CAMTA1: variants seen among roughly 807,000 people sequenced by gnomAD.
CAMTA1 encodes calmodulin binding transcription activator 1.
A neutral mutation model predicts 170.9 loss-of-function variants in CAMTA1; 27 were observed. The ratio of observed to expected loss-of-function variants is 0.16; its 90% CI spans 0.12 to 0.22. The LOEUF (loss-of-function observed/expected upper bound fraction) is 0.22, where lower values mean the gene tolerates loss of function less well. Ranked by LOEUF, CAMTA1 falls within the 10% of genes least tolerant of loss-of-function variation. The probability of loss-of-function intolerance (pLI) is 1.00; values close to 1 mark genes in which losing one functional copy is unlikely to be tolerated. For missense variants in CAMTA1, 1,619 were observed against 2,217.2 expected (o/e 0.73, Z 5.42); for synonymous variants, 833 against 891.5 (o/e 0.93, Z 1.17).
intron 4 of CAMTA1, among the ~76,000 whole-genome samples, chr1:7,137,723 C>T (rs1645623992): frequency 6.6e-6 from 1 of 152,182 alleles, no homozygotes; most frequent in Non-Finnish European, 1.5e-5. Context: ...TATCCTGAGG[C>T]TCCCTCCCTC....
chr1:7,229,689 G>A (rs1408699269), intron 4 of CAMTA1, among the ~76,000 whole-genome samples: 1 of 151,722 alleles, frequency 6.6e-6, no homozygotes, highest in Non-Finnish European at 1.5e-5. Flanking sequence ...TGGAGGGAGC[G>A]AGCCTGTGAG....
chr1:7,567,481 G>T (rs1264202735), intron 6 of CAMTA1, among the ~76,000 whole-genome samples: 3 of 152,366 alleles, frequency 2.0e-5, no homozygotes, highest in African/African-American at 4.8e-5. Flanking sequence ...GGAAATGGTG[G>T]CGTCAACACA....
chr1:6,789,874 G>C (rs1248698195), intron 1 of CAMTA1, among the ~76,000 whole-genome samples: 4 of 138,754 alleles, frequency 2.9e-5, no homozygotes, highest in Admixed American at 7.5e-5. Context: ...GCAGTGGCAC[G>C]ATCTCGGTTC....
intron 3 of CAMTA1, among the ~76,000 whole-genome samples, chr1:6,982,598 T>G (rs1230534503): frequency 6.6e-6 from 1 of 152,198 alleles, no homozygotes; most frequent in Non-Finnish European, 1.5e-5. Flanking sequence ...GTGTCCCAAG[T>G]ACTTGTCTCA....
rs1230409846 is a variant in CAMTA1 at position 7,588,908 on chromosome 1, T to C, written c.511-51492T>C. On this transcript the variant is annotated intron_variant, in intron 6 of 22. Coordinates refer to ENST00000303635, the MANE Select transcript of CAMTA1 (RefSeq NM_015215.4). The surrounding 1 kb of genome is among the most constrained non-coding windows in gnomAD (Gnocchi z 5.8). ...ACCCCGCATCAGGTGCTTATTATTT[T>C]CTGCCACGATCAGGGAAGACTGATC... Among the ~76,000 whole-genome samples, 1 of 152,250 alleles carries C rather than the reference T, an allele frequency of 6.6e-6. No individual in the cohort carries two copies.
intron 9 of CAMTA1, among the ~76,000 whole-genome samples, chr1:7,666,407 C>T (rs889605576): frequency 2.6e-5 from 4 of 152,192 alleles, no homozygotes; most frequent in African/African-American, 9.7e-5. Flanking sequence ...GCCCCCAGGC[C>T]GCCTCAGCTC....
intron 3 of CAMTA1, among the ~76,000 whole-genome samples, chr1:6,916,578 A>G (rs920357557): frequency 2.6e-5 from 4 of 152,090 alleles, no homozygotes; most frequent in African/African-American, 9.7e-5. Flanking sequence ...TCTAGGTTCC[A>G]TGTGCTTTTA....
intron 3 of CAMTA1, among the ~76,000 whole-genome samples, chr1:6,985,552 C>T (rs940252661): frequency 2.6e-5 from 4 of 152,270 alleles, no homozygotes; most frequent in South Asian, 2.1e-4. Flanking sequence ...ATCGGGGACC[C>T]GATATACACT....
chr1:7,077,548 A>G lies in CAMTA1; in HGVS notation c.235-13756A>G, dbSNP rs112700703. Among the ~76,000 whole-genome samples the G allele has an allele frequency of 4.1e-4, 63 of 152,124 alleles. 2 individuals carry two copies. The highest frequency in any genetic ancestry group is 1.5e-5 in the Non-Finnish European group (1 of 68,012). On this transcript the variant is annotated intron_variant, in intron 3 of 22. Coordinates refer to ENST00000303635, the MANE Select transcript of CAMTA1 (RefSeq NM_015215.4). ...CTTTTGTAGATAATGGGATTCCATTATGGGTGTTAGGGCTTCTCTGGAGCT... is the reference window on the plus strand; with the variant it reads ...CTTTTGTAGATAATGGGATTCCATTGTGGGTGTTAGGGCTTCTCTGGAGCT...
intron 3 of CAMTA1, among the ~76,000 whole-genome samples, chr1:6,932,647 C>T (rs1406627147): frequency 6.6e-6 from 1 of 152,204 alleles, no homozygotes; most frequent in Non-Finnish European, 1.5e-5. Flanking sequence ...TACATCCGCG[C>T]CAACCCTTCC....
intron 6 of CAMTA1, among the ~76,000 whole-genome samples, chr1:7,624,594 G>A (rs559419481): frequency 1.1e-4 from 17 of 152,330 alleles, no homozygotes; most frequent in African/African-American, 3.8e-4. Context: ...GCTGGCCACC[G>A]ACTGGCACAG....
At chr1:7,135,438 G>T (rs186788477) in intron 4 of CAMTA1, among the ~76,000 whole-genome samples, 1 of 152,206 alleles carries the variant, frequency 6.6e-6, no homozygotes, top group Admixed American at 6.5e-5. Context: ...TGCTGGTGAG[G>T]CTGTGGAGAG....
In CAMTA1 at chr1:7,455,784, A is replaced by T. The variant is rs1256211194; in HGVS notation, c.439-12046A>T. On this transcript the variant is annotated intron_variant, in intron 5 of 22. Coordinates refer to ENST00000303635, the MANE Select transcript of CAMTA1 (RefSeq NM_015215.4). The surrounding 1 kb of genome is among the most constrained non-coding windows in gnomAD (Gnocchi z 5.0). ...CAGACGCCTGCCCACAGGAGAAGAGAGCCACTGATTTCTGGGCAGCACTTG... is the reference window on the plus strand; with the variant it reads ...CAGACGCCTGCCCACAGGAGAAGAGTGCCACTGATTTCTGGGCAGCACTTG... Among the ~76,000 whole-genome samples, 1 of 152,222 alleles carries T rather than the reference A, an allele frequency of 6.6e-6. No individual in the cohort carries two copies. The highest frequency in any genetic ancestry group is 1.5e-5 in the Non-Finnish European group (1 of 68,032).
At chr1:6,788,361 T>C (rs371646690) in intron 1 of CAMTA1, among the ~76,000 whole-genome samples, 1 of 152,200 alleles carries the variant, frequency 6.6e-6, no homozygotes. Flanking sequence ...CTCAGTTTAC[T>C]GTGTAAGGAG....
rs2092898366 is a variant in CAMTA1, at chr1:7,454,176, C to T, written c.439-13654C>T. Among the ~76,000 whole-genome samples the T allele has an allele frequency of 2.6e-5, 4 of 152,314 alleles. No individual in the cohort carries two copies. The South Asian group carries it at 8.3e-4, about 32-fold the overall frequency. ...GCCGTTTATTTTAAAACAGCCCGGA[C>T]TCCTTGAGGAAGCTGAGGAGAGAGG... On this transcript the variant is annotated intron_variant, in intron 5 of 22. Coordinates refer to ENST00000303635, the MANE Select transcript of CAMTA1 (RefSeq NM_015215.4).
rs1333818106 is a variant in CAMTA1 at position 7,634,718 on chromosome 1, G to A, written c.511-5682G>A. Among the ~76,000 whole-genome samples, 2 of 152,134 alleles carry A rather than the reference G, an allele frequency of 1.3e-5. No individual in the cohort carries two copies. Among genetic ancestry groups the A allele is most frequent in the Non-Finnish European group, 2.9e-5 (2 of 68,028 alleles). ...CGGAGGAGGAAGGGGGCTCTAAGCA[G>A]CAGAAGTGCCCGCTGGAGGCTTAAC... On this transcript the variant is annotated intron_variant, in intron 6 of 22. Coordinates refer to ENST00000303635, the MANE Select transcript of CAMTA1 (RefSeq NM_015215.4). This position sits in a 1 kb window ranked among gnomAD's most constrained non-coding sequence, Gnocchi z 6.2.
chr1:7,103,845 TAC>T (rs1558103031), intron 4 of CAMTA1, among the ~76,000 whole-genome samples: 15 of 82,458 alleles, frequency 1.8e-4, no homozygotes, highest in African/African-American at 2.9e-4. Flanking sequence ...TACACACATG[TAC>T]ACACAACACA....
chr1:7,347,738 C>A (rs943462023), intron 5 of CAMTA1, among the ~76,000 whole-genome samples: 5 of 152,122 alleles, frequency 3.3e-5, no homozygotes, highest in African/African-American at 1.2e-4. Flanking sequence ...CCCCGGCTTG[C>A]AGCTGCGTCC....
chr1:6,931,348 C>T (rs1684379123), intron 3 of CAMTA1, among the ~76,000 whole-genome samples: 2 of 152,274 alleles, frequency 1.3e-5, no homozygotes, highest in South Asian at 2.1e-4. Flanking sequence ...GAATCAGAGT[C>T]ACTTATCTCA....
Sources: allele counts gnomAD v4.1 joint callset (sites outside exome capture counted in the v4.1 genomes callset), GRCh38; gene constraint gnomAD v4.1.1; non-coding constraint Gnocchi (gnomAD v3.1); transcripts MANE v1.5; gene names NCBI Gene and HGNC (gene_info 2026-07-23, HGNC 2026-07-21).